Variants in PCDH15 observed in about 807,000 individuals in gnomAD.
The protein encoded by PCDH15 is protocadherin related 15.
Under a neutral mutation model 178.5 loss-of-function variants are expected in PCDH15, and 129 were observed. The observed-to-expected ratio is 0.72, with a 90% CI of 0.63 to 0.84. The LOEUF is 0.84. Among genes scored for constraint, PCDH15 ranks in the 40% least tolerant of loss-of-function variants. The probability of loss-of-function intolerance (pLI) is 0.00; values close to 1 mark genes in which losing one functional copy is unlikely to be tolerated. For missense variants in PCDH15, 2,230 were observed against 2,099.9 expected, an observed-to-expected ratio of 1.06 and a Z score of -1.21; for synonymous variants, 800 against 732.0, an observed-to-expected ratio of 1.09 and a Z score of -1.50.
chr10:54,061,637 C>T (rs1211898941), intron 18 of PCDH15, among the ~76,000 whole-genome samples: 1 of 151,952 alleles, frequency 6.6e-6, no homozygotes, highest in African/African-American at 2.4e-5. Flanking sequence ...TATAATGTCT[C>T]TTTTTCCTTG....
At chr10:55,170,907 A>AAAGAAT (rs1401137298) in intron 1 of PCDH15, among the ~76,000 whole-genome samples, 1 of 152,062 alleles carries the variant, frequency 6.6e-6, no homozygotes, top group Admixed American at 6.6e-5. Flanking sequence ...AGAAAAAGAA[A>AAAGAAT]AAGAAAGCGT....
At chr10:54,949,760 T>C (rs1348365425) in intron 2 of PCDH15, among the ~76,000 whole-genome samples, 1 of 151,936 alleles carries the variant, frequency 6.6e-6, no homozygotes, top group Non-Finnish European at 1.5e-5. Flanking sequence ...AAATCATCTC[T>C]CTCAAGCTCA....
intron 3 of PCDH15, among the ~76,000 whole-genome samples, chr10:54,837,498 C>T (rs1953336099): frequency 6.6e-6 from 1 of 151,928 alleles, no homozygotes; most frequent in Admixed American, 6.6e-5. Context: ...ATTATGATCA[C>T]AAAATTGAAC....
chr10:54,200,269 C>CTTTTTTT (rs11377394), intron 10 of PCDH15, among the ~76,000 whole-genome samples: 188 of 106,016 alleles, frequency 1.8e-3, no homozygotes, highest in Non-Finnish European at 2.3e-3. Flanking sequence ...ACAGAGCCCA[C>CTTTTTTT]TTTTTTTTTT....
intron 2 of PCDH15, among the ~76,000 whole-genome samples, chr10:55,370,549 T>C (rs1406576412): frequency 6.6e-6 from 1 of 152,126 alleles, no homozygotes; most frequent in Non-Finnish European, 1.5e-5. Flanking sequence ...TGGATAAAAG[T>C]ACCCTTTCTT....
At chr10:53,965,060 ATT>A (rs60097108) in intron 21 of PCDH15, among the ~76,000 whole-genome samples, 98,011 of 144,566 alleles carry the variant, frequency 0.68, 33,356 homozygotes, top group East Asian at 0.86. Flanking sequence ...TAGTACCTAC[ATT>A]TTTTTTTTTT....
At chr10:54,057,045 A>C (rs550336678) in intron 18 of PCDH15, among the ~76,000 whole-genome samples, 34 of 152,324 alleles carry the variant, frequency 2.2e-4, no homozygotes, top group African/African-American at 7.7e-4. Flanking sequence ...GGGCTTCCAC[A>C]GCTTTGGGCA....
Position 54,317,280 on chromosome 10 carries a change from C to A in PCDH15, c.867G>T (p.Leu289Phe), listed in dbSNP as rs1564948526. The A allele has an allele frequency of 6.2e-7, 1 of 1,613,452 alleles. No individual in the cohort carries two copies. The highest frequency in any genetic ancestry group is 2.2e-5 in the East Asian group (1 of 44,844). Residue 289 changes from leucine to phenylalanine, a missense_variant, in exon 8 of 38, where the codon TTG (leucine) becomes TTT (phenylalanine). Leu to Phe is a conservative substitution (Grantham distance 22, BLOSUM62 0). Transcript: ENST00000644397. ...ATAAGAGTATATTTACCGGAGTTCT[C>A]AACTCAGGTATGGCAGCTTGATAAG... ...PLTYQAAIPE[L>F]RTPEELNPII...
At chr10:54,269,083 T>C (rs1388800473) in intron 8 of PCDH15, among the ~76,000 whole-genome samples, 2 of 151,936 alleles carry the variant, frequency 1.3e-5, no homozygotes, top group Non-Finnish European at 2.9e-5. Context: ...TTTCTTAATA[T>C]AATCATGAAA....
intron 23 of PCDH15, among the ~76,000 whole-genome samples, chr10:53,943,557 T>A (rs1281783751): frequency 6.6e-6 from 1 of 151,890 alleles, no homozygotes. Context: ...TATTAAAAAA[T>A]GCACGTGTAC....
intron 2 of PCDH15, chr10:55,600,092 C>G: frequency 2.0e-6 from 1 of 501,706 alleles, no homozygotes; most frequent in South Asian, 3.7e-5. Flanking sequence ...TGGCCGGGCA[C>G]AGTGGCTCAC....
intron 1 of PCDH15, among the ~76,000 whole-genome samples, chr10:54,762,637 T>A (rs1490829441): frequency 6.6e-6 from 1 of 152,126 alleles, no homozygotes; most frequent in Non-Finnish European, 1.5e-5. Flanking sequence ...CCATCTTACA[T>A]GGTTAAAACA....
At chr10:54,253,752 A>G (rs75430891) in intron 8 of PCDH15, among the ~76,000 whole-genome samples, 2 of 152,038 alleles carry the variant, frequency 1.3e-5, no homozygotes, top group South Asian at 2.1e-4. Context: ...AATGCTTGCT[A>G]TAAATTAAAT....
At chr10:55,307,507 CA>C (rs768595082) in intron 1 of PCDH15, among the ~76,000 whole-genome samples, 1,441 of 130,830 alleles carry the variant, frequency 0.011, 19 homozygotes, top group African/African-American at 0.033. Flanking sequence ...GACTCCATCT[CA>C]AAAAAAAAAA....
intron 1 of PCDH15, among the ~76,000 whole-genome samples, chr10:55,238,755 A>G (rs924017286): frequency 1.4e-4 from 22 of 151,964 alleles, no homozygotes; most frequent in African/African-American, 5.3e-4. Flanking sequence ...TAATCATTGT[A>G]TGTATCTATG....
chr10:54,202,686 C>G (rs1159520906), intron 10 of PCDH15, among the ~76,000 whole-genome samples: 1 of 151,820 alleles, frequency 6.6e-6, no homozygotes, highest in African/African-American at 2.4e-5. Context: ...GCGCTGCATG[C>G]CTGTAATGCC....
intron 1 of PCDH15, among the ~76,000 whole-genome samples, chr10:54,757,010 C>CCGTT (rs1566145541): frequency 6.6e-6 from 1 of 151,868 alleles, no homozygotes; most frequent in East Asian, 1.9e-4. Flanking sequence ...AAGCAAGCTC[C>CCGTT]CAATTGGATT....
At chr10:53,880,656 A>G (rs1398907072) in intron 26 of PCDH15, among the ~76,000 whole-genome samples, 3 of 152,164 alleles carry the variant, frequency 2.0e-5, no homozygotes, top group Admixed American at 6.5e-5. Flanking sequence ...CGAGGCAAAT[A>G]TAATTCAATT....
intron 2 of PCDH15, among the ~76,000 whole-genome samples, chr10:54,607,323 C>A (rs1590455009): frequency 6.6e-6 from 1 of 151,938 alleles, no homozygotes; most frequent in Admixed American, 6.6e-5. Flanking sequence ...ATAAAATCTT[C>A]TAAATTTAAT....
Sources: allele counts gnomAD v4.1 joint callset (sites outside exome capture counted in the v4.1 genomes callset), GRCh38; gene constraint gnomAD v4.1.1; transcripts MANE v1.5; gene names NCBI Gene and HGNC (gene_info 2026-07-23, HGNC 2026-07-21).